The following GALNTL6 variants were observed in gnomAD, a reference collection of about 807,000 sequenced individuals.
The protein encoded by GALNTL6 is polypeptide N-acetylgalactosaminyltransferase-like 6.
GALNTL6 carries 46 observed loss-of-function variants against 73.7 expected under a neutral mutation model. That is an observed-to-expected ratio of 0.62 (90% confidence interval 0.49 to 0.80). The LOEUF is 0.80. Ranked by LOEUF, GALNTL6 falls within the 30% of genes least tolerant of loss-of-function variation. The pLI, the probability that GALNTL6 is intolerant of heterozygous loss-of-function variation, is 0.00. For synonymous variants in GALNTL6, 259 were observed against 263.7 expected, an observed-to-expected ratio of 0.98 and a Z score of 0.17; for missense variants, 604 against 755.0, an observed-to-expected ratio of 0.80 and a Z score of 2.34.
chr4:171,903,160 C>G lies in GALNTL6; in HGVS notation c.138+88442C>G, dbSNP rs555864692. ...AGGAGCCAAGATGGCCTAATAGGAACAGCTCCGGTCTGCAGCTCCCAGCGT... is the reference window on the plus strand; with the variant it reads ...AGGAGCCAAGATGGCCTAATAGGAAGAGCTCCGGTCTGCAGCTCCCAGCGT... On this transcript the variant is annotated intron_variant, in intron 2 of 12. Transcript: ENST00000506823. Among the ~76,000 whole-genome samples the G allele has an allele frequency of 7.2e-5, 11 of 152,268 alleles. No homozygotes were observed. In the South Asian group the frequency reaches 2.3e-3, roughly 32 times the overall value.
intron 5 of GALNTL6, among the ~76,000 whole-genome samples, chr4:172,503,776 A>C (rs2110784353): frequency 6.6e-6 from 1 of 152,220 alleles, no homozygotes; most frequent in Non-Finnish European, 1.5e-5. Flanking sequence ...AGGGCAGATT[A>C]AATTAAGTGC....
chr4:172,922,318 C>T (rs1327112817), intron 8 of GALNTL6, among the ~76,000 whole-genome samples: 1 of 152,054 alleles, frequency 6.6e-6, no homozygotes, highest in African/African-American at 2.4e-5. Context: ...TTTTTTTAGA[C>T]TATCATCACA....
intron 5 of GALNTL6, among the ~76,000 whole-genome samples, chr4:172,453,881 G>T (rs1410085639): frequency 6.6e-6 from 1 of 152,160 alleles, no homozygotes; most frequent in Non-Finnish European, 1.5e-5. Context: ...ACATGACATA[G>T]ACTGTTAGTT....
intron 5 of GALNTL6, among the ~76,000 whole-genome samples, chr4:172,522,775 G>C (rs1468544810): frequency 6.6e-6 from 1 of 151,474 alleles, no homozygotes; most frequent in Non-Finnish European, 1.5e-5. Context: ...CATTTAAAAG[G>C]TGTTTTCTTA....
intron 5 of GALNTL6, among the ~76,000 whole-genome samples, chr4:172,412,706 T>G (rs1009330760): frequency 2.0e-5 from 3 of 152,194 alleles, no homozygotes; most frequent in Admixed American, 6.5e-5. Context: ...TTGTGAAACC[T>G]GGAAATCAAT....
intron 2 of GALNTL6, among the ~76,000 whole-genome samples, chr4:171,979,437 C>A (rs2111077172): frequency 6.6e-6 from 1 of 152,158 alleles, no homozygotes; most frequent in East Asian, 1.9e-4. Flanking sequence ...GCAGACAACC[C>A]CAAGGGCTAG....
intron 5 of GALNTL6, among the ~76,000 whole-genome samples, chr4:172,439,180 A>T (rs1247938651): frequency 1.4e-5 from 2 of 138,276 alleles, no homozygotes; most frequent in Non-Finnish European, 3.0e-5. Context: ...CTTCACACAC[A>T]CACACACACA....
intron 2 of GALNTL6, among the ~76,000 whole-genome samples, chr4:171,892,500 G>A (rs1437612049): frequency 6.6e-6 from 1 of 152,122 alleles, no homozygotes; most frequent in Non-Finnish European, 1.5e-5. Flanking sequence ...CAGGTGTTAT[G>A]TTTTCTTCTC....
At chr4:172,876,664 G>A (rs1217673421) in intron 7 of GALNTL6, among the ~76,000 whole-genome samples, 1 of 152,036 alleles carries the variant, frequency 6.6e-6, no homozygotes, top group Non-Finnish European at 1.5e-5. Context: ...AGAACCTCGT[G>A]ACACCATAAA....
At chr4:172,118,122 A>G (rs1178461530) in intron 2 of GALNTL6, among the ~76,000 whole-genome samples, 2 of 152,092 alleles carry the variant, frequency 1.3e-5, no homozygotes, top group Admixed American at 1.3e-4. Flanking sequence ...TGTGGAGAGT[A>G]GACAGCGGTA....
At chr4:172,031,520 T>G (rs775385169) in intron 2 of GALNTL6, among the ~76,000 whole-genome samples, 2 of 152,128 alleles carry the variant, frequency 1.3e-5, no homozygotes, top group African/African-American at 2.4e-5. Flanking sequence ...TGTCATTGCT[T>G]TGTGGCTAGA....
intron 7 of GALNTL6, among the ~76,000 whole-genome samples, chr4:172,829,213 G>A (rs1193688514): frequency 6.6e-6 from 1 of 152,224 alleles, no homozygotes; most frequent in Non-Finnish European, 1.5e-5. Context: ...ACAGACAGGA[G>A]AGGAAGAGAG....
intron 3 of GALNTL6, among the ~76,000 whole-genome samples, chr4:172,274,201 CAA>C (rs998730005): frequency 2.0e-5 from 3 of 152,070 alleles, no homozygotes; most frequent in African/African-American, 7.2e-5. Context: ...AAAAAAGAGA[CAA>C]AGAGACAAAA....
chr4:172,744,561 T>G (rs1421012853), intron 5 of GALNTL6, among the ~76,000 whole-genome samples: 1 of 152,142 alleles, frequency 6.6e-6, no homozygotes, highest in African/African-American at 2.4e-5. Context: ...AGATTTTCTA[T>G]AAATAAAGTA....
intron 5 of GALNTL6, among the ~76,000 whole-genome samples, chr4:172,479,288 GAATA>G (rs941690858): frequency 1.5e-4 from 23 of 150,150 alleles, no homozygotes; most frequent in East Asian, 4.0e-4. Flanking sequence ...ACAGATGAAT[GAATA>G]AAGACAATGA....
chr4:172,543,810 A>G (rs1200529983), intron 5 of GALNTL6, among the ~76,000 whole-genome samples: 2 of 152,222 alleles, frequency 1.3e-5, no homozygotes, highest in Non-Finnish European at 2.9e-5. Flanking sequence ...TTCTGTTAAA[A>G]GGATCTTCTA....
intron 5 of GALNTL6, among the ~76,000 whole-genome samples, chr4:172,697,475 T>A (rs2111277889): frequency 6.6e-6 from 1 of 152,344 alleles, no homozygotes; most frequent in South Asian, 2.1e-4. Context: ...AGACAATTTG[T>A]GTACAAAATA....
intron 5 of GALNTL6, among the ~76,000 whole-genome samples, chr4:172,531,072 C>A (rs1377972520): frequency 6.6e-6 from 1 of 152,146 alleles, no homozygotes; most frequent in Non-Finnish European, 1.5e-5. Flanking sequence ...ACACCAATTA[C>A]CACTAATAGA....
chr4:172,468,209 T>G (rs1732910523), intron 5 of GALNTL6, among the ~76,000 whole-genome samples: 1 of 152,182 alleles, frequency 6.6e-6, no homozygotes, highest in South Asian at 2.1e-4. Flanking sequence ...CCCAATACTG[T>G]GATTTAAAAT....
Sources: allele counts gnomAD v4.1 joint callset (sites outside exome capture counted in the v4.1 genomes callset), GRCh38; gene constraint gnomAD v4.1.1; transcripts MANE v1.5; gene names NCBI Gene and HGNC (gene_info 2026-07-23, HGNC 2026-07-21).